The following EML6 variants were observed in gnomAD, a reference collection of about 807,000 sequenced individuals.
EML6 encodes the protein echinoderm microtubule-associated protein-like 6.
In EML6, 154 loss-of-function variants were observed where a neutral mutation model predicts 240.1. The observed-to-expected ratio is 0.64, with a 90% CI of 0.56 to 0.73. The LOEUF (loss-of-function observed/expected upper bound fraction) is 0.73, where lower values mean the gene tolerates loss of function less well. EML6 is among the 30% of genes least tolerant of loss of function. The pLI is 0.00. For synonymous variants in EML6, 1,148 were observed against 899.0 expected (o/e 1.28, Z -4.95); for missense variants, 2,964 against 2,474.6 (o/e 1.20, Z -4.20).
intron 26 of EML6, among the ~76,000 whole-genome samples, chr2:54,925,898 AC>A (rs1674518070): frequency 6.6e-6 from 1 of 151,936 alleles, no homozygotes; most frequent in Admixed American, 6.6e-5. Context: ...CATTTTTAAA[AC>A]CCTCCATGCC....
intron 2 of EML6, among the ~76,000 whole-genome samples, chr2:54,796,789 C>G (rs1027730934): frequency 6.6e-6 from 1 of 152,026 alleles, no homozygotes; most frequent in African/African-American, 2.4e-5. Flanking sequence ...ATAGAACAAA[C>G]CGTTTTAGAG....
rs1222686951 is a variant in EML6 at position 54,948,913 on chromosome 2, G to C, written c.4036G>C (p.Glu1346Gln). The C allele has an allele frequency of 4.5e-6, 7 of 1,551,554 alleles. No homozygotes were observed. The highest frequency in any genetic ancestry group is 6.1e-6 in the Non-Finnish European group (7 of 1,146,978). Residue 1346 changes from glutamate (E) to glutamine (Q), a missense_variant, in exon 29 of 42, where the codon GAG (glutamate) becomes CAG (glutamine). Glu to Gln is a conservative substitution (Grantham distance 29). Coordinates refer to ENST00000356458, the MANE Select transcript of EML6 (RefSeq NM_001039753.4). Reference protein sequence around the residue: ...PPVSRAAPQPEKLQKNNITKK... With the variant: ...PPVSRAAPQPQKLQKNNITKK... ...CGTTAGCCGAGCAGCTCCCCAGCCTGAGAAACTGCAGAAGAACAATATCAC... is the reference window on the plus strand; with the variant it reads ...CGTTAGCCGAGCAGCTCCCCAGCCTCAGAAACTGCAGAAGAACAATATCAC...
At chr2:54,921,870 C>G (rs576886879) in intron 26 of EML6, among the ~76,000 whole-genome samples, 2 of 152,042 alleles carry the variant, frequency 1.3e-5, no homozygotes, top group Non-Finnish European at 2.9e-5. Context: ...AACTGGATAT[C>G]TACATTCAAA....
At chr2:54,816,020 A>G (rs189572376) in intron 3 of EML6, among the ~76,000 whole-genome samples, 30 of 152,344 alleles carry the variant, frequency 2.0e-4, no homozygotes, top group East Asian at 1.2e-3. Context: ...AAGGAGGTTA[A>G]TTTTGCAAGG....
intron 17 of EML6, among the ~76,000 whole-genome samples, chr2:54,883,396 A>C (rs552492716): frequency 6.6e-6 from 1 of 152,154 alleles, no homozygotes; most frequent in Non-Finnish European, 1.5e-5. Flanking sequence ...ATATGTATCA[A>C]ACATTCATCA....
intron 11 of EML6, 43 bp from the exon 12 acceptor site, chr2:54,859,491 C>T (rs750524024): frequency 6.7e-7 from 1 of 1,498,200 alleles, no homozygotes; most frequent in African/African-American, 1.4e-5. Context: ...CTAATGAACT[C>T]TTCTTTTTTC....
At chr2:54,970,019 C>A in intron 41 of EML6, 52 bp from the exon 42 acceptor site, 1 of 1,546,356 alleles carries the variant, frequency 6.5e-7, no homozygotes, top group South Asian at 1.2e-5. Context: ...TGCCACTTGA[C>A]ACAAGTATGA....
intron 7 of EML6, among the ~76,000 whole-genome samples, chr2:54,842,307 A>G (rs1375954402): frequency 1.3e-5 from 2 of 152,206 alleles, no homozygotes; most frequent in Non-Finnish European, 2.9e-5. Context: ...ATAATTGAAA[A>G]TACTTTGATA....
chr2:54,908,726 A>T (rs7355309), intron 24 of EML6, among the ~76,000 whole-genome samples: 1 of 151,846 alleles, frequency 6.6e-6, no homozygotes, highest in African/African-American at 2.4e-5. Flanking sequence ...GGCTGCCCCA[A>T]AATGCCACCC....
intron 22 of EML6, 67 bp from the exon 23 acceptor site, chr2:54,902,977 C>T (rs765092317): frequency 5.1e-5 from 73 of 1,426,530 alleles, no homozygotes; most frequent in Non-Finnish European, 6.9e-5. Flanking sequence ...ATTTCTTCAT[C>T]TTTTCATGTG....
chr2:54,897,744 A>G (rs555579996), intron 21 of EML6, among the ~76,000 whole-genome samples: 100 of 142,570 alleles, frequency 7.0e-4, no homozygotes, highest in Non-Finnish European at 1.3e-3. Flanking sequence ...CTCATTTGCT[A>G]TTTCCTCTTA....
intron 17 of EML6, among the ~76,000 whole-genome samples, chr2:54,887,200 A>G (rs1442924013): frequency 1.3e-5 from 2 of 152,208 alleles, no homozygotes; most frequent in Admixed American, 1.3e-4. Context: ...CTTTCATTAT[A>G]CAGCTCCCCA....
rs1289564811 is a variant in EML6 at position 54,968,202 on chromosome 2, C to A, written c.5672C>A (p.Thr1891Asn). ...GCTGATGTCAACTGCGCATGTGTGA[C>A]CCACGCTGGCCTGAACATTGTCACA... ...DKADVNCACV[T>N]HAGLNIVTGD... The change falls in exon 40 of 42, where the codon ACC becomes AAC. Residue 1891 changes from threonine (T) to asparagine (N), a missense_variant. By Grantham distance (65) the Thr-to-Asn change is moderately conservative (BLOSUM62 0). Coordinates refer to ENST00000356458, the MANE Select transcript of EML6 (RefSeq NM_001039753.4). The A allele has an allele frequency of 3.2e-6, 5 of 1,551,596 alleles. No individual in the cohort carries two copies. Among genetic ancestry groups the A allele is most frequent in the South Asian group, 1.2e-5 (1 of 84,068 alleles).
intron 8 of EML6, among the ~76,000 whole-genome samples, chr2:54,844,544 A>G (rs1256701875): frequency 2.6e-5 from 4 of 152,216 alleles, no homozygotes; most frequent in Non-Finnish European, 4.4e-5. Flanking sequence ...CTCATCTATG[A>G]TGAAACCATA....
At chr2:54,919,647 C>G (rs1228210520) in intron 26 of EML6, among the ~76,000 whole-genome samples, 2 of 152,132 alleles carry the variant, frequency 1.3e-5, no homozygotes, top group Non-Finnish European at 2.9e-5. Flanking sequence ...AATGAAATTG[C>G]TAGCAGTACA....
At chr2:54,859,460 C>A (rs1670560879) in intron 11 of EML6, 74 bp from the exon 12 acceptor site, 4 of 1,158,586 alleles carry the variant, frequency 3.5e-6, no homozygotes, top group Admixed American at 5.3e-5. Flanking sequence ...TCAACATGAA[C>A]AGAAGGGGGG....
chr2:54,944,280 A>G (rs1480568824), intron 28 of EML6, among the ~76,000 whole-genome samples: 1 of 151,956 alleles, frequency 6.6e-6, no homozygotes, highest in African/African-American at 2.4e-5. Flanking sequence ...CCTCATTGAT[A>G]TTTTCTCTCT....
Position 54,849,864 on chromosome 2 carries a change from C to T in EML6, c.1188-98C>T, listed in dbSNP as rs1399769044. On this transcript the variant is annotated intron_variant, in intron 9 of 41. Coordinates refer to ENST00000356458, the MANE Select transcript of EML6 (RefSeq NM_001039753.4). ...TCCTTTAATTCCTGCAGGTTTGGTT[C>T]TCTTTCAACACACTTCTTTTTCTGA... 4.7e-5 allele frequency: 44 copies of T among 940,226 alleles called. No homozygotes were observed. In the South Asian group the frequency reaches 6.0e-4, roughly 13 times the overall value. 58.2% of individuals were successfully genotyped at this position (940,226 alleles called of 1,614,324 possible). A position where few individuals can be genotyped will look rare whatever the true frequency, so the allele number is the denominator to read the frequency against.
intron 32 of EML6, among the ~76,000 whole-genome samples, chr2:54,954,552 C>T (rs971682059): frequency 1.3e-5 from 2 of 152,194 alleles, no homozygotes; most frequent in Non-Finnish European, 2.9e-5. Context: ...ACTTTGTCTG[C>T]TTTATTTTAG....
Sources: gnomAD v4.1 joint callset for allele counts (sites outside exome capture counted in the v4.1 genomes callset) on GRCh38, gnomAD v4.1.1 for gene constraint, MANE v1.5 for transcripts, NCBI Gene and HGNC (gene_info 2026-07-23, HGNC 2026-07-21) for gene names.